The following TRANK1 variants were observed in gnomAD, a reference collection of about 807,000 sequenced individuals.
TRANK1 encodes the protein TPR and ankyrin repeat-containing protein 1.
TRANK1 carries 198 observed loss-of-function variants against 266.0 expected under a neutral mutation model. The observed-to-expected ratio is 0.74, with a 90% confidence interval of 0.66 to 0.84. The LOEUF (loss-of-function observed/expected upper bound fraction) is 0.84. Among genes scored for constraint, TRANK1 ranks in the 40% least tolerant of loss-of-function variants. The pLI is 0.00. For missense variants in TRANK1, 3,326 were observed against 3,634.6 expected (o/e 0.92, Z 2.18); for synonymous variants, 1,396 against 1,384.1 (o/e 1.01, Z -0.19).
intron 1 of TRANK1, among the ~76,000 whole-genome samples, chr3:36,939,818 A>T (rs2080471983): frequency 6.6e-6 from 1 of 152,044 alleles, no homozygotes; most frequent in African/African-American, 2.4e-5. Context: ...AATATATGAA[A>T]CACAACTCAG....
chr3:36,915,433 A>G (rs1168357107), intron 1 of TRANK1, among the ~76,000 whole-genome samples: 1 of 152,194 alleles, frequency 6.6e-6, no homozygotes, highest in African/African-American at 2.4e-5. Context: ...ACTATATGTT[A>G]TTGTTAACTA....
At chr3:36,937,204 C>G (rs2080437814) in intron 1 of TRANK1, among the ~76,000 whole-genome samples, 1 of 152,226 alleles carries the variant, frequency 6.6e-6, no homozygotes, top group Non-Finnish European at 1.5e-5. Context: ...TAAGCCATCC[C>G]TCCCTTTGTG....
intron 8 of TRANK1, among the ~76,000 whole-genome samples, chr3:36,886,769 G>A (rs1044048629): frequency 5.3e-5 from 8 of 151,902 alleles, no homozygotes; most frequent in Admixed American, 2.0e-4. Flanking sequence ...TAAATTAGCC[G>A]GGCATAGTAG....
In TRANK1 at chr3:36,884,072, A is replaced by G. The variant is rs1284083744; in HGVS notation, c.907+5757T>C. 2.6e-5 allele frequency among the ~76,000 whole-genome samples: 4 copies of G among 152,246 alleles called. No homozygotes were observed. The East Asian group carries it at 7.7e-4, about 29-fold the overall frequency. ...AAATTCATAGACTGAATAAGTAAAT[A>G]TATTGTAGATGAACAATATTACAAA... On this transcript the variant is annotated intron_variant, in intron 8 of 23. Transcript: ENST00000645898.
At chr3:36,847,130 A>G in intron 16 of TRANK1, 70 bp downstream of exon 16, 1 of 1,505,224 alleles carries the variant, frequency 6.6e-7, no homozygotes, top group Non-Finnish European at 9.0e-7. Context: ...TTTTCCTCTC[A>G]TCTTCTCTTC....
At chr3:36,840,299 T>C (rs553340777) in intron 18 of TRANK1, among the ~76,000 whole-genome samples, 2 of 152,184 alleles carry the variant, frequency 1.3e-5, no homozygotes, top group South Asian at 4.2e-4. Context: ...TTTCCAATTC[T>C]AACAAGGATG....
intron 9 of TRANK1, among the ~76,000 whole-genome samples, chr3:36,864,974 A>T (rs1408062749): frequency 6.6e-6 from 1 of 151,822 alleles, no homozygotes; most frequent in East Asian, 1.9e-4. Flanking sequence ...CTGTAGGATC[A>T]GGAGCCAAAT....
chr3:36,890,026 G>T (rs2079665858), intron 7 of TRANK1, 66 bp from the exon 8 acceptor site: 2 of 1,514,802 alleles, frequency 1.3e-6, no homozygotes, highest in Admixed American at 4.1e-5. Context: ...GTTAATTTGT[G>T]CAGAAGCAAT....
chr3:36,925,927 C>A (rs568132946), intron 1 of TRANK1, among the ~76,000 whole-genome samples: 1 of 152,288 alleles, frequency 6.6e-6, no homozygotes, highest in South Asian at 2.1e-4. Context: ...TTCAGTTCTA[C>A]TGCAGGCTCT....
intron 8 of TRANK1, among the ~76,000 whole-genome samples, chr3:36,882,811 G>C (rs1300831732): frequency 6.6e-6 from 1 of 152,086 alleles, no homozygotes; most frequent in Non-Finnish European, 1.5e-5. Flanking sequence ...AAAGAAAAAT[G>C]GGAAAGAGAC....
chr3:36,892,263 T>G lies in TRANK1; in HGVS notation c.714A>C (p.Ala238=), dbSNP rs767641649. Residue 238 remains alanine, a synonymous_variant, in exon 7 of 24, where the codon GCA becomes GCC. Coordinates refer to ENST00000645898, the MANE Select transcript of TRANK1 (RefSeq NM_001329998.2). ...GATACGGTCCTATAGTCTCAACACT[T>G]GCACCAATGGAGATGAGCCACTGGA... ...KLVQWLISIG[A]SVETIGPYPL... is the part of the protein sequence containing the mutation. The G allele has an allele frequency of 9.1e-5, 140 of 1,537,010 alleles. 4 individuals are homozygous for G. The Middle Eastern group carries it at 2.5e-3, about 27-fold the overall frequency.
chr3:36,834,849 C>G lies in TRANK1; in HGVS notation c.5576G>C (p.Cys1859Ser). The G allele has an allele frequency of 6.2e-7, 1 of 1,613,736 alleles. No individual in the cohort carries two copies. The highest frequency in any genetic ancestry group is 8.5e-7 in the Non-Finnish European group (1 of 1,179,828). ...ATCAAATTCCTGAATCTGCTCAAAGCATCTGAAAGCGTCTTTGTAGCACTG... is the reference window on the plus strand; with the variant it reads ...ATCAAATTCCTGAATCTGCTCAAAGGATCTGAAAGCGTCTTTGTAGCACTG... The part of the protein sequence containing the change: ...RSQCYKDAFR[C>S]FEQIQEFDLA... The change falls in exon 21 of 24, where the codon TGC becomes TCC. Residue 1859 changes from cysteine to serine, a missense_variant. Transcript: ENST00000645898.
At chr3:36,875,914 C>T (rs368436005) in intron 8 of TRANK1, among the ~76,000 whole-genome samples, 2 of 152,120 alleles carry the variant, frequency 1.3e-5, no homozygotes, top group East Asian at 1.9e-4. Flanking sequence ...GTTGGGAGGA[C>T]GTCATTTCCA....
chr3:36,921,685 C>T (rs1337502288), intron 1 of TRANK1, among the ~76,000 whole-genome samples: 1 of 152,196 alleles, frequency 6.6e-6, no homozygotes, highest in Non-Finnish European at 1.5e-5. Flanking sequence ...CTCTACATTT[C>T]ACTAGTCAGA....
At chr3:36,900,054 C>T (rs937622984) in intron 3 of TRANK1, among the ~76,000 whole-genome samples, 3 of 152,182 alleles carry the variant, frequency 2.0e-5, no homozygotes, top group African/African-American at 7.2e-5. Context: ...GAGACGAAGT[C>T]TTGCTATATT....
chr3:36,889,572 T>C (rs1012302451), intron 8 of TRANK1, among the ~76,000 whole-genome samples: 4 of 152,208 alleles, frequency 2.6e-5, no homozygotes, highest in African/African-American at 9.6e-5. Context: ...TGTTCTTGAA[T>C]GATTCAACCC....
intron 20 of TRANK1, among the ~76,000 whole-genome samples, chr3:36,836,073 C>T (rs1194110969): frequency 6.6e-6 from 1 of 152,190 alleles, no homozygotes; most frequent in Non-Finnish European, 1.5e-5. Flanking sequence ...TGAAATACAT[C>T]CACCAGGTTT....
At chr3:36,944,692 G>T in intron 1 of TRANK1, 95 bp downstream of exon 1, 1 of 1,419,894 alleles carries the variant, frequency 7.0e-7, no homozygotes, top group Non-Finnish European at 9.4e-7. Flanking sequence ...GCTACCTCAG[G>T]GTCGCCAGTC....
chr3:36,832,028 T>A lies in TRANK1; in HGVS notation c.7555A>T (p.Ile2519Phe), dbSNP rs757403036. 2 of 1,614,058 alleles carry A rather than the reference T, an allele frequency of 1.2e-6. No homozygotes were observed. The highest frequency in any genetic ancestry group is 3.3e-5 in the Admixed American group (2 of 60,038). The change falls in exon 22 of 24, where the codon ATT becomes TTT. Residue 2519 changes from isoleucine (I) to phenylalanine (F), a missense_variant. Coordinates refer to ENST00000645898, the MANE Select transcript of TRANK1 (RefSeq NM_001329998.2). ...GAGAGATGGAACCGGAAATCCTGAA[T>A]GGCTCTTGTCACGTCCTTGGGTTTG... is the stretch of plus-strand genomic sequence containing the variant. ...EYKPKDVTRAIQDFRFHLSYL... is the reference protein window; with the variant it reads ...EYKPKDVTRAFQDFRFHLSYL...
Sources: allele counts gnomAD v4.1 joint callset (sites outside exome capture counted in the v4.1 genomes callset), GRCh38; gene constraint gnomAD v4.1.1; transcripts MANE v1.5; gene names NCBI Gene and HGNC (gene_info 2026-07-23, HGNC 2026-07-21).